ZDHHC15: variants seen among roughly 807,000 people sequenced by gnomAD.
ZDHHC15 encodes zDHHC palmitoyltransferase 15.
In ZDHHC15, 19 loss-of-function variants were observed where a neutral mutation model predicts 31.7. The observed-to-expected ratio is 0.60, with a 90% confidence interval of 0.42 to 0.88. The LOEUF is 0.88. ZDHHC15 is among the 40% of genes least tolerant of loss of function. The pLI is 0.00. For missense variants in ZDHHC15, 209 were observed against 251.2 expected (o/e 0.83, Z 1.14); for synonymous variants, 103 against 90.0 (o/e 1.14, Z -0.82).
chrX:75,387,657 C>T (rs2083193970), intron 10 of ZDHHC15, among the ~76,000 whole-genome samples: 1 of 111,635 alleles, frequency 9.0e-6, no homozygotes. Flanking sequence ...CTACAAGATA[C>T]AGAAAACTGC....
chrX:75,514,369 G>A (rs898366337), intron 1 of ZDHHC15, among the ~76,000 whole-genome samples: 6 of 112,479 alleles, frequency 5.3e-5, no homozygotes, highest in African/African-American at 1.9e-4. Context: ...CAACAGAGCT[G>A]TAAACGGCTG....
intron 1 of ZDHHC15, 124 bp downstream of exon 1, chrX:75,522,765 C>G: frequency 1.0e-6 from 1 of 969,186 alleles, no homozygotes; most frequent in Non-Finnish European, 1.4e-6. Context: ...AAGGAACTCT[C>G]CAGGGAGAGA....
chrX:75,458,306 C>G (rs1205448665), intron 3 of ZDHHC15, among the ~76,000 whole-genome samples: 1 of 111,415 alleles, frequency 9.0e-6, no homozygotes. Flanking sequence ...GTAGTTACCT[C>G]TAAGAGGAGG....
At chrX:75,390,547 C>T (rs759654712) in intron 10 of ZDHHC15, among the ~76,000 whole-genome samples, 6 of 111,433 alleles carry the variant, frequency 5.4e-5, no homozygotes, top group Non-Finnish European at 9.4e-5. Context: ...GGGAAGAGAA[C>T]GAGAGCCTCT....
intron 10 of ZDHHC15, among the ~76,000 whole-genome samples, chrX:75,405,447 G>A (rs941842754): frequency 1.2e-4 from 13 of 110,915 alleles, no homozygotes; most frequent in African/African-American, 3.9e-4. Flanking sequence ...CACCTATAAA[G>A]ACACACATAA....
intron 3 of ZDHHC15, among the ~76,000 whole-genome samples, chrX:75,456,546 AC>A (rs1423636254): frequency 9.0e-6 from 1 of 111,416 alleles, no homozygotes; most frequent in Non-Finnish European, 1.9e-5. Context: ...AAGTCTGGAA[AC>A]AACAGATGCT....
intron 3 of ZDHHC15, among the ~76,000 whole-genome samples, chrX:75,463,442 G>C (rs913067870): frequency 4.5e-5 from 5 of 111,151 alleles, no homozygotes; most frequent in African/African-American, 1.3e-4. Flanking sequence ...ACCTGGAAGA[G>C]ATACAACAAA....
rs774503801 is a variant in ZDHHC15, at chrX:75,478,959, T to C, written c.190A>G (p.Ile64Val). Residue 64 changes from isoleucine to valine, a missense_variant, in exon 3 of 12, where the codon ATC becomes GTC. Coordinates refer to ENST00000373367, the MANE Select transcript of ZDHHC15 (RefSeq NM_144969.3). The stretch of plus-strand genomic sequence containing the variant: ...TAGGTCCAGGTAAAGAACACAAAGA[T>C]GGCATGGTAGAGTATGAGGTAAATA... ...KVIYLILYHA[I>V]FVFFTWTYWK... is the part of the protein sequence containing the mutation. 8.3e-7 allele frequency: 1 copy of C among 1,202,195 alleles called. No homozygotes were observed. Among genetic ancestry groups the C allele is most frequent in the East Asian group, 3.0e-5 (1 of 33,635 alleles).
chrX:75,489,255 G>C (rs1438356560), intron 2 of ZDHHC15, among the ~76,000 whole-genome samples: 4 of 111,931 alleles, frequency 3.6e-5, no homozygotes, highest in African/African-American at 9.7e-5. Context: ...GGTTCTCCCA[G>C]CACGCAGATG....
intron 10 of ZDHHC15, among the ~76,000 whole-genome samples, chrX:75,383,738 T>TTG (rs1422372850): frequency 1.2e-5 from 1 of 85,211 alleles, no homozygotes; most frequent in East Asian, 3.7e-4. Context: ...ATGTTAGGTT[T>TTG]TTTTTTTTTT....
chrX:75,472,690 C>T (rs1214824509), intron 3 of ZDHHC15, among the ~76,000 whole-genome samples: 1 of 112,216 alleles, frequency 8.9e-6, no homozygotes, highest in Non-Finnish European at 1.9e-5. Context: ...CACTCAGCCT[C>T]TTTCCCCAGC....
chrX:75,495,335 AC>A (rs2084974953), intron 2 of ZDHHC15, among the ~76,000 whole-genome samples: 1 of 111,830 alleles, frequency 8.9e-6, no homozygotes, highest in African/African-American at 3.3e-5. Context: ...TATTGGTGGG[AC>A]TGTAAACTAG....
At chrX:75,406,699 A>G (rs940742082) in intron 10 of ZDHHC15, among the ~76,000 whole-genome samples, 1 of 101,081 alleles carries the variant, frequency 9.9e-6, no homozygotes, top group South Asian at 5.3e-4. Context: ...TGTAAAAAAA[A>G]GTCTTCCATC....
chrX:75,495,928 T>G (rs1223076320), intron 2 of ZDHHC15, among the ~76,000 whole-genome samples: 1 of 101,308 alleles, frequency 9.9e-6, no homozygotes, highest in African/African-American at 3.7e-5. Flanking sequence ...ACTTGAAGCA[T>G]AATTAAAAAA....
At chrX:75,495,394 C>G (rs1210907290) in intron 2 of ZDHHC15, among the ~76,000 whole-genome samples, 3 of 111,289 alleles carry the variant, frequency 2.7e-5, no homozygotes, top group Non-Finnish European at 3.8e-5. Flanking sequence ...GGATCTAGAA[C>G]TAGAAATAGC....
At chrX:75,394,518 G>T (rs778275206) in intron 10 of ZDHHC15, among the ~76,000 whole-genome samples, 11 of 109,717 alleles carry the variant, frequency 1.0e-4, no homozygotes, top group African/African-American at 3.6e-4. Context: ...GAAAATAAAG[G>T]AATGGAAAAA....
At position 75,405,929 on chromosome X, in the gene ZDHHC15, T is replaced by C. The variant is rs73625844; in HGVS notation, c.967+11158A>G. 3.5e-3 allele frequency among the ~76,000 whole-genome samples: 388 copies of C among 112,292 alleles called. 4 individuals carry two copies. Among genetic ancestry groups the C allele is most frequent in the African/African-American group, 0.012 (370 of 30,996 alleles). On this transcript the variant is annotated intron_variant, in intron 10 of 11. Coordinates refer to ENST00000373367, the MANE Select transcript of ZDHHC15 (RefSeq NM_144969.3). ...CAGATCTTAGGCCACAAAACTAGCA[T>C]CACCAAATTCTAAAAAGTAGAAATC...
rs1352936215 is a variant in ZDHHC15, at chrX:75,496,324, C to G, written c.163+9497G>C. Among the ~76,000 whole-genome samples the G allele has an allele frequency of 4.5e-5, 5 of 111,267 alleles. No homozygotes were observed. The Admixed American group carries it at 4.8e-4, about 11-fold the overall frequency. On this transcript the variant is annotated intron_variant, in intron 2 of 11. Coordinates refer to ENST00000373367, the MANE Select transcript of ZDHHC15 (RefSeq NM_144969.3). The stretch of plus-strand genomic sequence containing the variant: ...AATGTAGCAATCCTAAATATATATG[C>G]ACCTAACACTTGTGCTCCCAAATTT...
chrX:75,498,231 C>A (rs1214060670), intron 2 of ZDHHC15, among the ~76,000 whole-genome samples: 3 of 110,925 alleles, frequency 2.7e-5, no homozygotes, highest in Non-Finnish European at 5.7e-5. Context: ...CCGTGCCTGG[C>A]CACCCACTTT....
Sources: allele counts gnomAD v4.1 joint callset (sites outside exome capture counted in the v4.1 genomes callset), GRCh38; gene constraint gnomAD v4.1.1; transcripts MANE v1.5; gene names NCBI Gene and HGNC (gene_info 2026-07-23, HGNC 2026-07-21).